Variants in PCDH9 observed in about 807,000 individuals in gnomAD.
PCDH9 encodes protocadherin-9.
Under a neutral mutation model 70.6 loss-of-function variants are expected in PCDH9, and 24 were observed. That is an observed-to-expected ratio of 0.34 (90% CI 0.25 to 0.48). The LOEUF (loss-of-function observed/expected upper bound fraction) is 0.48, where lower values mean the gene tolerates loss of function less well. PCDH9 is among the 20% of genes least tolerant of loss of function. The pLI, the probability that PCDH9 is intolerant of heterozygous loss-of-function variation, is 0.99. For missense variants in PCDH9, 1,281 were observed against 1,503.6 expected (o/e 0.85, Z 2.45); for synonymous variants, 562 against 558.5 (o/e 1.01, Z -0.09).
chr13:66,978,537 C>T (rs980779261), intron 2 of PCDH9: 9 of 151,630 alleles, frequency 5.9e-5, no homozygotes, highest in East Asian at 5.8e-4. Context: ...ACATATGCTC[C>T]TATTTTAGTT....
At chr13:67,106,425 A>G (rs2086544448) in intron 2 of PCDH9, among the ~76,000 whole-genome samples, 1 of 152,266 alleles carries the variant, frequency 6.6e-6, no homozygotes, top group African/African-American at 2.4e-5. Flanking sequence ...TATTTAATGT[A>G]GCAAAGGATT....
chr13:67,084,983 AAAAAAAAAAAAAAAATATATAT>A (rs1276952451), intron 2 of PCDH9, among the ~76,000 whole-genome samples: 3 of 71,666 alleles, frequency 4.2e-5, no homozygotes, highest in South Asian at 9.9e-4. Context: ...AAAAAAAAAA[AAAAAAAAAAAAAAAATATATAT>A]ATATATATAT....
chr13:67,226,209 A>G lies in PCDH9; in HGVS notation c.2232T>C (p.Thr744=), dbSNP rs750344437. Residue 744 remains threonine (T), a synonymous_variant, in exon 2 of 5, where the codon ACT becomes ACC. Coordinates refer to ENST00000377865, the MANE Select transcript of PCDH9 (RefSeq NM_203487.3). The surrounding 1 kb of genome is among the most constrained non-coding windows in gnomAD (Gnocchi z 5.0). ...CCACCAAACGATGCAATCCCACATC[A>G]GTAGGTGCTGGTTTTTCTTCCAGAG... The part of the protein sequence containing the change: ...NITLEEKPAP[T]DVGLHRLVVN... The G allele has an allele frequency of 3.7e-6, 6 of 1,614,128 alleles. No homozygotes were observed. The highest frequency in any genetic ancestry group is 5.1e-6 in the Non-Finnish European group (6 of 1,179,988).
chr13:66,569,698 T>C (rs1008214028), intron 4 of PCDH9, among the ~76,000 whole-genome samples: 2 of 152,250 alleles, frequency 1.3e-5, no homozygotes, highest in African/African-American at 2.4e-5. Context: ...ATTCAGAGCA[T>C]TTATAGGTTA....
chr13:66,334,136 T>G (rs1955989935), intron 4 of PCDH9, among the ~76,000 whole-genome samples: 1 of 152,064 alleles, frequency 6.6e-6, no homozygotes, highest in South Asian at 2.1e-4. Context: ...ACTACTTATT[T>G]CTTCTATCAA....
At chr13:66,573,879 T>C in intron 4 of PCDH9, among the ~76,000 whole-genome samples, 1 of 151,936 alleles carries the variant, frequency 6.6e-6, no homozygotes, top group Non-Finnish European at 1.5e-5. Flanking sequence ...CATTATGGAG[T>C]GTTCAGTTAA....
intron 3 of PCDH9, among the ~76,000 whole-genome samples, chr13:66,644,939 A>T (rs920876177): frequency 6.6e-6 from 1 of 152,100 alleles, no homozygotes; most frequent in African/African-American, 2.4e-5. Flanking sequence ...GATCTAGTTC[A>T]TGTCCTGGTC....
chr13:66,470,687 T>A (rs1174001430), intron 4 of PCDH9, among the ~76,000 whole-genome samples: 1 of 150,566 alleles, frequency 6.6e-6, no homozygotes, highest in Non-Finnish European at 1.5e-5. Flanking sequence ...GGGGGATGCA[T>A]GTAACATTGT....
chr13:66,848,874 G>A (rs1177844765), intron 3 of PCDH9, among the ~76,000 whole-genome samples: 1 of 142,420 alleles, frequency 7.0e-6, no homozygotes, highest in Non-Finnish European at 1.5e-5. Context: ...CTTGCAGTGA[G>A]CCGAGATCGC....
chr13:66,925,835 T>G (rs2082709381), intron 2 of PCDH9, among the ~76,000 whole-genome samples: 1 of 152,020 alleles, frequency 6.6e-6, no homozygotes, highest in African/African-American at 2.4e-5. Context: ...GGATATAATT[T>G]AATCATCATT....
chr13:67,000,814 A>C (rs1408091607), intron 2 of PCDH9, among the ~76,000 whole-genome samples: 1 of 152,228 alleles, frequency 6.6e-6, no homozygotes, highest in East Asian at 1.9e-4. Flanking sequence ...TTATATTCAC[A>C]GTGCTTTTAA....
chr13:66,674,424 TA>T (rs5804289), intron 3 of PCDH9, among the ~76,000 whole-genome samples: 49,331 of 151,742 alleles, frequency 0.33, 8,811 homozygotes, highest in East Asian at 0.56. Context: ...TGTATTGTGT[TA>T]AAAAAAATTG....
chr13:66,453,921 G>C (rs1423898315), intron 4 of PCDH9, among the ~76,000 whole-genome samples: 1 of 151,992 alleles, frequency 6.6e-6, no homozygotes, highest in African/African-American at 2.4e-5. Context: ...AAGGAACTCA[G>C]AACATAAACA....
chr13:66,771,850 T>C (rs939545002), intron 3 of PCDH9, among the ~76,000 whole-genome samples: 2 of 152,200 alleles, frequency 1.3e-5, no homozygotes, highest in African/African-American at 4.8e-5. Context: ...CATAAATCAC[T>C]GAAAAGAGAC....
intron 4 of PCDH9, among the ~76,000 whole-genome samples, chr13:66,560,109 C>A (rs1005022466): frequency 7.9e-5 from 12 of 151,834 alleles, no homozygotes; most frequent in Non-Finnish European, 2.9e-5. Context: ...TCCATTGGAC[C>A]ACAGAAGAAT....
chr13:67,034,600 G>C (rs944424577), intron 2 of PCDH9, among the ~76,000 whole-genome samples: 1 of 151,640 alleles, frequency 6.6e-6, no homozygotes, highest in East Asian at 1.9e-4. Flanking sequence ...AACTCTGAAG[G>C]AAAATTGTGC....
At chr13:66,506,304 C>A (rs1959213188) in intron 4 of PCDH9, among the ~76,000 whole-genome samples, 1 of 152,176 alleles carries the variant, frequency 6.6e-6, no homozygotes, top group Non-Finnish European at 1.5e-5. Context: ...TTACCATACA[C>A]AACAATCCTG....
chr13:66,771,584 T>C (rs1426805930), intron 3 of PCDH9, among the ~76,000 whole-genome samples: 1 of 152,172 alleles, frequency 6.6e-6, no homozygotes, highest in African/African-American at 2.4e-5. Flanking sequence ...TGAATGAACA[T>C]CAAAGCCTAA....
intron 2 of PCDH9, among the ~76,000 whole-genome samples, chr13:66,996,443 G>T (rs984940248): frequency 1.3e-5 from 2 of 152,084 alleles, no homozygotes; most frequent in African/African-American, 4.8e-5. Flanking sequence ...GGTGGGTGAG[G>T]TAGGCCTCAC....
Sources: allele counts gnomAD v4.1 joint callset (sites outside exome capture counted in the v4.1 genomes callset), GRCh38; gene constraint gnomAD v4.1.1; non-coding constraint Gnocchi (gnomAD v3.1); transcripts MANE v1.5; gene names NCBI Gene and HGNC (gene_info 2026-07-23, HGNC 2026-07-21).